COP1: variants seen among roughly 807,000 people sequenced by gnomAD.
The protein encoded by COP1 is COP1 E3 ubiquitin ligase.
COP1 carries 24 observed loss-of-function variants against 101.3 expected under a neutral mutation model. The ratio of observed to expected loss-of-function variants is 0.24; its 90% CI spans 0.17 to 0.33. The LOEUF (loss-of-function observed/expected upper bound fraction) is 0.33. Ranked by LOEUF, COP1 falls within the 10% of genes least tolerant of loss-of-function variation. The pLI is 1.00. For synonymous variants in COP1, 347 were observed against 341.9 expected, an observed-to-expected ratio of 1.01 and a Z score of -0.17; for missense variants, 663 against 906.2, an observed-to-expected ratio of 0.73 and a Z score of 3.45.
chr1:176,048,083 T>A (rs887729439), intron 11 of COP1, among the ~76,000 whole-genome samples: 2 of 150,822 alleles, frequency 1.3e-5, no homozygotes, highest in African/African-American at 4.8e-5. Context: ...AAAAAACAAC[T>A]ACAACAACAA....
chr1:176,143,123 C>CGAGA lies in COP1; in HGVS notation c.831+5879_831+5882dup, dbSNP rs71129558. Among the ~76,000 whole-genome samples the CGAGA allele has an allele frequency of 1.8e-4, 26 of 146,828 alleles. No homozygotes were observed. In the South Asian group the frequency reaches 2.4e-3, roughly 13 times the overall value. On this transcript the variant is annotated intron_variant, in intron 6 of 19. Coordinates refer to ENST00000367669, the MANE Select transcript of COP1 (RefSeq NM_022457.7). ...GCAAGAATTGATCCAACAGAACAAG[C>CGAGA]GAGAGAGAGAGAGAGCGAGAGAAAG...
At chr1:176,115,905 A>G (rs1201689405) in intron 9 of COP1, among the ~76,000 whole-genome samples, 2 of 152,174 alleles carry the variant, frequency 1.3e-5, no homozygotes, top group Admixed American at 6.5e-5. Flanking sequence ...CTGATTATCT[A>G]TTTTACTCAA....
At chr1:176,111,756 T>C (rs1685333531) in intron 9 of COP1, among the ~76,000 whole-genome samples, 1 of 152,236 alleles carries the variant, frequency 6.6e-6, no homozygotes, top group Non-Finnish European at 1.5e-5. Context: ...ATTCTTTAGT[T>C]TGCATTTGCC....
chr1:176,104,271 G>A (rs1161331790), intron 9 of COP1, among the ~76,000 whole-genome samples: 1 of 152,066 alleles, frequency 6.6e-6, no homozygotes, highest in South Asian at 2.1e-4. Flanking sequence ...TCTACATCCT[G>A]GTTGTAGGGA....
At chr1:175,947,460 TC>T (rs1649329653) in intron 18 of COP1, 1 of 431,116 alleles carries the variant, frequency 2.3e-6, no homozygotes, top group African/African-American at 2.0e-5. Flanking sequence ...AACCTCCACT[TC>T]CTGGGTTCAA....
intron 18 of COP1, among the ~76,000 whole-genome samples, chr1:175,951,273 T>C (rs1158434032): frequency 6.7e-6 from 1 of 149,694 alleles, no homozygotes; most frequent in African/African-American, 2.5e-5. Flanking sequence ...TAAATAAATA[T>C]ATAAAATATA....
At chr1:175,975,384 G>A (rs192347126) in intron 18 of COP1, among the ~76,000 whole-genome samples, 155 of 152,166 alleles carry the variant, frequency 1.0e-3, no homozygotes, top group Non-Finnish European at 1.9e-3. Flanking sequence ...CAACCATCCC[G>A]AAGTTATTAC....
intron 11 of COP1, among the ~76,000 whole-genome samples, chr1:176,074,404 T>G (rs1677588290): frequency 1.3e-5 from 2 of 152,160 alleles, no homozygotes; most frequent in Admixed American, 6.5e-5. Flanking sequence ...ATATCATCCT[T>G]TCTTGCTAGT....
intron 18 of COP1, among the ~76,000 whole-genome samples, chr1:175,981,324 G>C (rs1363619532): frequency 6.6e-6 from 1 of 152,088 alleles, no homozygotes; most frequent in Non-Finnish European, 1.5e-5. Context: ...ATTTCATTGA[G>C]AAGTTGGCTG....
At chr1:176,047,697 T>C (rs1671749073) in intron 11 of COP1, among the ~76,000 whole-genome samples, 1 of 152,208 alleles carries the variant, frequency 6.6e-6, no homozygotes, top group Admixed American at 6.5e-5. Context: ...ATTTTCTTAA[T>C]ATCCATTCAC....
chr1:176,011,786 T>A (rs1664722158), intron 15 of COP1, among the ~76,000 whole-genome samples: 1 of 152,232 alleles, frequency 6.6e-6, no homozygotes, highest in South Asian at 2.1e-4. Context: ...GCTGACAAGT[T>A]CCTATCACCT....
At chr1:175,999,326 T>C (rs1279177194) in intron 15 of COP1, among the ~76,000 whole-genome samples, 1 of 152,118 alleles carries the variant, frequency 6.6e-6, no homozygotes, top group Non-Finnish European at 1.5e-5. Context: ...GTTTTCATTT[T>C]TAGATCCCAC....
intron 9 of COP1, among the ~76,000 whole-genome samples, chr1:176,110,203 T>C (rs1572290256): frequency 6.6e-6 from 1 of 152,214 alleles, no homozygotes. Context: ...ATAACATATA[T>C]CCTTTGATGC....
At chr1:176,178,311 G>A (rs893333361) in intron 2 of COP1, among the ~76,000 whole-genome samples, 1 of 150,836 alleles carries the variant, frequency 6.6e-6, no homozygotes, top group Non-Finnish European at 1.5e-5. Context: ...TCAGCAGCCT[G>A]GGCAACATGG....
intron 11 of COP1, among the ~76,000 whole-genome samples, chr1:176,062,339 T>C (rs182596666): frequency 6.6e-5 from 10 of 152,244 alleles, no homozygotes; most frequent in Admixed American, 3.9e-4. Context: ...GCCAAAAGAT[T>C]TGAATAGACA....
At chr1:176,074,000 C>T (rs188359616) in intron 11 of COP1, among the ~76,000 whole-genome samples, 39 of 152,282 alleles carry the variant, frequency 2.6e-4, no homozygotes, top group Middle Eastern at 6.8e-3. Flanking sequence ...GATCTCAGCT[C>T]ACTGCAACCT....
intron 1 of COP1, among the ~76,000 whole-genome samples, chr1:176,189,618 AAGAC>A (rs572429780): frequency 1.0e-3 from 155 of 152,118 alleles, no homozygotes; most frequent in Non-Finnish European, 1.7e-3. Context: ...AAGGAATATG[AAGAC>A]AGACAGAAAC....
intron 6 of COP1, among the ~76,000 whole-genome samples, chr1:176,141,753 C>A (rs1690723440): frequency 1.3e-5 from 2 of 148,172 alleles, no homozygotes; most frequent in African/African-American, 5.0e-5. Flanking sequence ...TTTTTTAAGA[C>A]AGGGACTCAT....
At chr1:176,091,873 A>C (rs1175727158) in intron 9 of COP1, among the ~76,000 whole-genome samples, 2 of 152,210 alleles carry the variant, frequency 1.3e-5, no homozygotes, top group East Asian at 3.8e-4. Context: ...ATTTAAAATA[A>C]AGGTATGCTA....
Sources: gnomAD v4.1 joint callset for allele counts (sites outside exome capture counted in the v4.1 genomes callset) on GRCh38, gnomAD v4.1.1 for gene constraint, MANE v1.5 for transcripts, NCBI Gene and HGNC (gene_info 2026-07-23, HGNC 2026-07-21) for gene names.